The following WDFY4 variants were observed in gnomAD, a reference collection of about 807,000 sequenced individuals.
WDFY4 encodes the protein WDFY family member 4, also known as WD repeat- and FYVE domain-containing protein 4.
A neutral mutation model predicts 351.9 loss-of-function variants in WDFY4; 169 were observed. The observed-to-expected ratio is 0.48, with a 90% confidence interval of 0.42 to 0.55. WDFY4 has a LOEUF of 0.55. Among genes scored for constraint, WDFY4 ranks in the 20% least tolerant of loss-of-function variants. The pLI, the probability that WDFY4 is intolerant of heterozygous loss-of-function variation, is 0.00. For missense variants in WDFY4, 3,803 were observed against 3,935.6 expected (o/e 0.97, Z 0.90); for synonymous variants, 1,622 against 1,574.6 (o/e 1.03, Z -0.71).
At chr10:48,686,302 G>T (rs1241676276) in intron 1 of WDFY4, among the ~76,000 whole-genome samples, 1 of 105,830 alleles carries the variant, frequency 9.4e-6, no homozygotes, top group Non-Finnish European at 1.8e-5. Flanking sequence ...ACAACACGAT[G>T]AAACTCCATC....
intron 39 of WDFY4, among the ~76,000 whole-genome samples, chr10:48,854,939 A>G (rs1245731739): frequency 5.3e-5 from 8 of 152,362 alleles, no homozygotes; most frequent in South Asian, 4.1e-4. Context: ...TTTGCCTTAG[A>G]TGTAGAATTA....
chr10:48,957,700 G>A (rs1312616598), intron 52 of WDFY4, among the ~76,000 whole-genome samples: 1 of 152,230 alleles, frequency 6.6e-6, no homozygotes, highest in Admixed American at 6.5e-5. Context: ...GCAGGACCCA[G>A]AGATGCTGGG....
chr10:48,957,706 C>T (rs1347456720), intron 52 of WDFY4, among the ~76,000 whole-genome samples: 2 of 152,194 alleles, frequency 1.3e-5, no homozygotes, highest in African/African-American at 2.4e-5. Context: ...CCCAGAGATG[C>T]TGGGTGTCCT....
chr10:48,927,646 G>A (rs933107119), intron 47 of WDFY4, among the ~76,000 whole-genome samples: 1 of 152,118 alleles, frequency 6.6e-6, no homozygotes, highest in Non-Finnish European at 1.5e-5. Context: ...TCTATCCTTC[G>A]CACCAGCGTG....
chr10:48,901,902 C>G (rs1257287069), intron 47 of WDFY4, 39 bp downstream of exon 47: 2 of 1,535,992 alleles, frequency 1.3e-6, no homozygotes, highest in African/African-American at 2.7e-5. Flanking sequence ...CATGGCACTG[C>G]CCTGGCTTTG....
At chr10:48,839,058 G>A (rs566300604) in intron 39 of WDFY4, among the ~76,000 whole-genome samples, 111 of 152,304 alleles carry the variant, frequency 7.3e-4, no homozygotes, top group African/African-American at 2.5e-3. Context: ...AAACGCTTGG[G>A]CTCTCCATGT....
At chr10:48,774,712 G>A (rs765319775) in intron 14 of WDFY4, 40 bp downstream of exon 14, 1 of 1,549,922 alleles carries the variant, frequency 6.5e-7, no homozygotes, top group South Asian at 1.2e-5. Flanking sequence ...AAGCTGGGCA[G>A]CCATGTCCTT....
At chr10:48,911,953 A>G (rs970862801) in intron 47 of WDFY4, among the ~76,000 whole-genome samples, 1 of 152,218 alleles carries the variant, frequency 6.6e-6, no homozygotes, top group Non-Finnish European at 1.5e-5. Flanking sequence ...GTGGTTGACA[A>G]TGTGAGGAGA....
intron 47 of WDFY4, chr10:48,913,798 G>T: frequency 6.2e-7 from 1 of 1,614,092 alleles, no homozygotes; most frequent in Non-Finnish European, 8.5e-7. Context: ...ATGTTCTTGA[G>T]TTGCTTCAGC....
At position 48,946,043 on chromosome 10, in the gene WDFY4, T is replaced by C. The variant is rs1350921333; in HGVS notation, c.7753T>C (p.Leu2585=). The change falls in exon 50 of 62, where the codon TTG becomes CTG. Residue 2585 remains leucine, a synonymous_variant. Coordinates refer to ENST00000325239, the MANE Select transcript of WDFY4 (RefSeq NM_001394531.1). Reference sequence around the variant, plus strand: ...CAGCTGCACATCTGCCTTCTAGACATTGAACTTGGCAAATCCGAAGATTTT... The same window carrying C: ...CAGCTGCACATCTGCCTTCTAGACACTGAACTTGGCAAATCCGAAGATTTT... ...WVLADYTSET[L]NLANPKIFRD... is the part of the protein sequence containing the mutation. 6.5e-7 allele frequency: 1 copy of C among 1,542,612 alleles called. No individual in the cohort carries two copies. Among genetic ancestry groups the C allele is most frequent in the Non-Finnish European group, 8.7e-7 (1 of 1,144,276 alleles).
At chr10:48,720,239 C>T (rs1358720216) in intron 3 of WDFY4, 114 bp downstream of exon 3, 3 of 1,096,408 alleles carry the variant, frequency 2.7e-6, no homozygotes, top group Non-Finnish European at 3.9e-6. Flanking sequence ...GTGTTGCCTG[C>T]CAAAGAGAAG....
intron 11 of WDFY4, among the ~76,000 whole-genome samples, chr10:48,737,924 C>T (rs1323781816): frequency 6.6e-6 from 1 of 152,182 alleles, no homozygotes; most frequent in East Asian, 1.9e-4. Context: ...ATTAATATTG[C>T]ATAACTGCTA....
intron 1 of WDFY4, among the ~76,000 whole-genome samples, chr10:48,701,844 A>C (rs1436162367): frequency 6.6e-6 from 1 of 152,274 alleles, no homozygotes; most frequent in East Asian, 1.9e-4. Flanking sequence ...ATACAGAGAT[A>C]AAAATGCAGA....
intron 42 of WDFY4, 48 bp from the exon 43 acceptor site, chr10:48,876,985 T>C (rs2070040714): frequency 2.8e-6 from 4 of 1,438,048 alleles, no homozygotes; most frequent in Non-Finnish European, 2.7e-6. Flanking sequence ...GCCCTTACCA[T>C]GTCAGGTGGC....
chr10:48,976,748 G>T, intron 58 of WDFY4, 49 bp from the exon 59 acceptor site: 1 of 1,297,908 alleles, frequency 7.7e-7, no homozygotes, highest in South Asian at 2.5e-5. Context: ...AGTGGCTGAT[G>T]GGCAGGCAGT....
chr10:48,740,250 G>A (rs1311332191), intron 11 of WDFY4, among the ~76,000 whole-genome samples: 3 of 152,206 alleles, frequency 2.0e-5, no homozygotes, highest in East Asian at 1.9e-4. Context: ...AGGTTCAGAC[G>A]CGTGCCGTAC....
chr10:48,880,538 G>A (rs575038041), intron 43 of WDFY4, among the ~76,000 whole-genome samples: 12 of 152,334 alleles, frequency 7.9e-5, no homozygotes, highest in Non-Finnish European at 1.0e-4. Context: ...GTGGGGATCC[G>A]CAGGATGTGC....
intron 2 of WDFY4, among the ~76,000 whole-genome samples, chr10:48,719,791 C>T (rs776590039): frequency 2.0e-5 from 3 of 152,034 alleles, no homozygotes; most frequent in South Asian, 2.1e-4. Flanking sequence ...CTTAGGGGCT[C>T]GTGTTCAGGT....
intron 39 of WDFY4, among the ~76,000 whole-genome samples, chr10:48,864,345 C>G (rs1276231957): frequency 6.6e-6 from 1 of 152,132 alleles, no homozygotes; most frequent in Admixed American, 6.5e-5. Context: ...ACTATTCGTT[C>G]CCCATTGTAT....
Sources: allele counts gnomAD v4.1 joint callset (sites outside exome capture counted in the v4.1 genomes callset), GRCh38; gene constraint gnomAD v4.1.1; transcripts MANE v1.5; gene names NCBI Gene and HGNC (gene_info 2026-07-23, HGNC 2026-07-21).